ROBO2: variants seen among roughly 807,000 people sequenced by gnomAD.
ROBO2 encodes roundabout homolog 2.
Under a neutral mutation model 160.8 loss-of-function variants are expected in ROBO2, and 53 were observed. That is an observed-to-expected ratio of 0.33 (90% CI 0.26 to 0.41). ROBO2 has a LOEUF of 0.41. ROBO2 is among the 10% of genes least tolerant of loss of function. The pLI, the probability that ROBO2 is intolerant of heterozygous loss-of-function variation, is 1.00. For missense variants in ROBO2, 1,577 were observed against 1,722.4 expected (o/e 0.92, Z 1.49); for synonymous variants, 664 against 611.7 (o/e 1.09, Z -1.26).
intron 24 of ROBO2, 79 bp downstream of exon 25, chr3:77,635,122 C>T: frequency 6.7e-7 from 1 of 1,490,162 alleles, no homozygotes; most frequent in Admixed American, 1.9e-5. Context: ...TTAATGTAGT[C>T]ATGGTAGATT....
chr3:76,236,863 A>G (rs2107497311), intron 2 of ROBO2, among the ~76,000 whole-genome samples: 1 of 152,210 alleles, frequency 6.6e-6, no homozygotes, highest in East Asian at 1.9e-4. Context: ...TATAACCCTA[A>G]GGTATATAAT....
At chr3:76,279,436 G>T (rs1038801541) in intron 2 of ROBO2, among the ~76,000 whole-genome samples, 1 of 151,648 alleles carries the variant, frequency 6.6e-6, no homozygotes, top group Admixed American at 6.6e-5. Flanking sequence ...TTTGTCTTTG[G>T]CATTGAATAT....
chr3:76,062,358 A>G (rs1474224244), intron 2 of ROBO2, among the ~76,000 whole-genome samples: 3 of 151,988 alleles, frequency 2.0e-5, no homozygotes, highest in Non-Finnish European at 4.4e-5. Flanking sequence ...CAGAAATCCT[A>G]GCAGTTATGT....
intron 2 of ROBO2, among the ~76,000 whole-genome samples, chr3:76,192,543 C>CACAT (rs1702064664): frequency 6.6e-6 from 1 of 150,506 alleles, no homozygotes; most frequent in African/African-American, 2.4e-5. Context: ...CACACACACA[C>CACAT]ACACACACAC....
At chr3:76,994,732 C>A (rs1365858536) in intron 2 of ROBO2, among the ~76,000 whole-genome samples, 1 of 152,064 alleles carries the variant, frequency 6.6e-6, no homozygotes, top group African/African-American at 2.4e-5. Flanking sequence ...GAAATTATAT[C>A]TTGAGTTCTC....
rs533399550 is a variant in ROBO2, at chr3:77,203,534, G to A, written c.388+105194G>A. ...CAATGATGGTGCTGAAATTTAAAAT[G>A]TCAGTTTTACAGTGTTTGAATATAG... On this transcript the variant is annotated intron_variant, in intron 2 of 25. Coordinates refer to ENST00000461745, the Ensembl canonical transcript of ROBO2. Among the ~76,000 whole-genome samples the A allele has an allele frequency of 2.0e-5, 3 of 152,276 alleles. No individual in the cohort carries two copies. In the South Asian group the frequency reaches 6.2e-4, roughly 32 times the overall value.
At chr3:76,691,714 G>C (rs1027192032) in intron 2 of ROBO2, among the ~76,000 whole-genome samples, 1 of 152,126 alleles carries the variant, frequency 6.6e-6, no homozygotes, top group Non-Finnish European at 1.5e-5. Context: ...AATAAACAGA[G>C]AGAACAGAGT....
chr3:76,800,637 A>G (rs1297086905), intron 2 of ROBO2, among the ~76,000 whole-genome samples: 1 of 152,146 alleles, frequency 6.6e-6, no homozygotes, highest in African/African-American at 2.4e-5. Context: ...AAGATTATTG[A>G]TCATCAGAGA....
At position 77,586,893 on chromosome 3, in the gene ROBO2, A is replaced by G. The variant is rs1223721050; in HGVS notation, c.2501-1858A>G. Among the ~76,000 whole-genome samples, 12 of 150,232 alleles carry G rather than the reference A, an allele frequency of 8.0e-5. No individual in the cohort carries two copies. In the East Asian group the frequency reaches 1.7e-3, roughly 22 times the overall value. ...AAATATATGTATAATAATTAAAGGC[A>G]GACATAGTGGGAAAATGAGCCAGAT... On this transcript the variant is annotated intron_variant, in intron 16 of 25. Transcript: ENST00000461745.
intron 2 of ROBO2, among the ~76,000 whole-genome samples, chr3:77,349,508 T>A (rs1479277667): frequency 1.3e-5 from 2 of 152,154 alleles, no homozygotes; most frequent in Non-Finnish European, 2.9e-5. Context: ...GTGTAATGAG[T>A]CACTTACCTT....
chr3:77,363,465 G>C (rs2070354587), intron 2 of ROBO2, among the ~76,000 whole-genome samples: 1 of 152,126 alleles, frequency 6.6e-6, no homozygotes, highest in Admixed American at 6.6e-5. Flanking sequence ...TCTGTTGCAA[G>C]TTAATAACAG....
intron 2 of ROBO2, among the ~76,000 whole-genome samples, chr3:77,006,283 G>A (rs959205286): frequency 1.3e-5 from 2 of 148,342 alleles, no homozygotes; most frequent in African/African-American, 5.0e-5. Context: ...CTGGCCAAAT[G>A]TTGATAATAG....
chr3:75,939,590 T>C (rs76814041), intron 2 of ROBO2, among the ~76,000 whole-genome samples: 1 of 152,132 alleles, frequency 6.6e-6, no homozygotes, highest in Non-Finnish European at 1.5e-5. Context: ...AATAGAAAAC[T>C]TAATGGAATG....
intron 2 of ROBO2, among the ~76,000 whole-genome samples, chr3:75,997,111 A>G (rs2065751169): frequency 1.3e-5 from 2 of 152,242 alleles, no homozygotes; most frequent in South Asian, 4.1e-4. Flanking sequence ...CAATGTAGGA[A>G]TCATATAATT....
At chr3:76,630,990 G>GAGTGCA (rs2089995774) in intron 2 of ROBO2, among the ~76,000 whole-genome samples, 1 of 152,140 alleles carries the variant, frequency 6.6e-6, no homozygotes, top group Non-Finnish European at 1.5e-5. Flanking sequence ...TAACCATCCA[G>GAGTGCA]AGTGCATGTG....
chr3:77,080,414 G>T (rs563121429), intron 1 of ROBO2, among the ~76,000 whole-genome samples: 1 of 152,120 alleles, frequency 6.6e-6, no homozygotes, highest in Non-Finnish European at 1.5e-5. Flanking sequence ...GATATAAATC[G>T]AATTGAGTCA....
intron 2 of ROBO2, among the ~76,000 whole-genome samples, chr3:77,444,047 G>C (rs2080221979): frequency 6.6e-6 from 1 of 151,976 alleles, no homozygotes; most frequent in Non-Finnish European, 1.5e-5. Flanking sequence ...CTCCCCATTT[G>C]TTTCTTATTA....
At chr3:75,982,562 TTAA>T (rs1467898711) in intron 2 of ROBO2, among the ~76,000 whole-genome samples, 1 of 151,530 alleles carries the variant, frequency 6.6e-6, no homozygotes, top group Non-Finnish European at 1.5e-5. Context: ...TTTGCTATTC[TTAA>T]TGTGTTCTTT....
At chr3:77,174,007 C>T (rs1205221797) in intron 2 of ROBO2, among the ~76,000 whole-genome samples, 1 of 151,858 alleles carries the variant, frequency 6.6e-6, no homozygotes, top group African/African-American at 2.4e-5. Flanking sequence ...ATTTCTTGAC[C>T]CCAACGTAGA....
Sources: allele counts gnomAD v4.1 joint callset (sites outside exome capture counted in the v4.1 genomes callset), GRCh38; gene constraint gnomAD v4.1.1; transcripts MANE v1.5; gene names NCBI Gene and HGNC (gene_info 2026-07-23, HGNC 2026-07-21).